TESC: variants seen among roughly 807,000 people sequenced by gnomAD.
The protein encoded by TESC is calcineurin B homologous protein 3.
A neutral mutation model predicts 31.0 loss-of-function variants in TESC; 19 were observed. The ratio of observed to expected loss-of-function variants is 0.61; its 90% confidence interval spans 0.43 to 0.90. The LOEUF (loss-of-function observed/expected upper bound fraction) is 0.90. Among genes scored for constraint, TESC ranks in the 40% least tolerant of loss-of-function variants. TESC has a pLI of 0.00. For missense variants in TESC, 248 were observed against 303.8 expected (o/e 0.82, Z 1.36); for synonymous variants, 109 against 114.8 (o/e 0.95, Z 0.32).
chr12:117,068,520 C>T (rs1418958159), intron 2 of TESC, among the ~76,000 whole-genome samples: 3 of 152,058 alleles, frequency 2.0e-5, no homozygotes, highest in African/African-American at 7.2e-5. Flanking sequence ...CAGAGCGAGA[C>T]TCTGTCTCAA....
chr12:117,046,512 A>G (rs996410998), intron 6 of TESC, 47 bp downstream of exon 6: 6 of 1,508,698 alleles, frequency 4.0e-6, no homozygotes, highest in Non-Finnish European at 5.3e-6. Flanking sequence ...GCAGACCATA[A>G]GCGGGAAAGG....
At chr12:117,082,549 G>A (rs1355869203) in intron 1 of TESC, among the ~76,000 whole-genome samples, 1 of 151,510 alleles carries the variant, frequency 6.6e-6, no homozygotes, top group Non-Finnish European at 1.5e-5. Flanking sequence ...CACAGAAAAT[G>A]AGACAGATGA....
chr12:117,093,040 G>T (rs756598446), intron 1 of TESC, among the ~76,000 whole-genome samples: 14 of 152,180 alleles, frequency 9.2e-5, no homozygotes, highest in Non-Finnish European at 1.9e-4. Context: ...GGGACTGGCT[G>T]GTTGGCTGTT....
At chr12:117,067,401 C>T (rs908731340) in intron 2 of TESC, among the ~76,000 whole-genome samples, 6 of 151,942 alleles carry the variant, frequency 3.9e-5, no homozygotes, top group Non-Finnish European at 5.9e-5. Context: ...CGCATCTCTA[C>T]AAAAAAATTT....
At chr12:117,042,804 C>T (rs373597177) in intron 6 of TESC, among the ~76,000 whole-genome samples, 1 of 152,290 alleles carries the variant, frequency 6.6e-6, no homozygotes, top group Admixed American at 6.5e-5. Flanking sequence ...CAATAGAAGG[C>T]GAGGGACATA....
At chr12:117,075,986 T>TA (rs57433077) in intron 1 of TESC, among the ~76,000 whole-genome samples, 2,023 of 86,328 alleles carry the variant, frequency 0.023, 53 homozygotes, top group South Asian at 0.04. Flanking sequence ...TATATATATA[T>TA]TTTTTTTTTT....
At chr12:117,071,200 C>T (rs906912906) in intron 2 of TESC, among the ~76,000 whole-genome samples, 1 of 152,218 alleles carries the variant, frequency 6.6e-6, no homozygotes, top group Non-Finnish European at 1.5e-5. Context: ...ACATTCACTC[C>T]TCATTCCTTT....
In TESC at chr12:117,066,777, G is replaced by A. The variant is rs552140893; in HGVS notation, c.128+8494C>T. On this transcript the variant is annotated intron_variant, in intron 2 of 7. Coordinates refer to ENST00000335209, the MANE Select transcript of TESC (RefSeq NM_017899.4). ...AACAGAAGTGCCCCAGCAGGGGAAG[G>A]GGAGCCTCCCCTTCTCAACCCTGTA... 3.3e-5 allele frequency among the ~76,000 whole-genome samples: 5 copies of A among 152,148 alleles called. No homozygotes were observed. The South Asian group carries it at 6.2e-4, about 19-fold the overall frequency.
intron 2 of TESC, among the ~76,000 whole-genome samples, chr12:117,057,942 G>A (rs897369888): frequency 1.3e-5 from 2 of 152,092 alleles, no homozygotes; most frequent in Non-Finnish European, 2.9e-5. Context: ...AAGTGAGCCC[G>A]GGCGCCGTAG....
intron 2 of TESC, among the ~76,000 whole-genome samples, chr12:117,066,879 A>C (rs1045288565): frequency 3.9e-5 from 6 of 152,154 alleles, no homozygotes; most frequent in Non-Finnish European, 5.9e-5. Flanking sequence ...TGTCAGTATC[A>C]ACCATCCTGG....
chr12:117,056,563 G>A (rs932373062), intron 3 of TESC, among the ~76,000 whole-genome samples: 2 of 152,086 alleles, frequency 1.3e-5, no homozygotes, highest in African/African-American at 4.8e-5. Flanking sequence ...TAAGTTTTGG[G>A]GTAATTTGTT....
intron 1 of TESC, among the ~76,000 whole-genome samples, chr12:117,094,469 T>C (rs7313320): frequency 2.0e-5 from 3 of 152,076 alleles, no homozygotes; most frequent in African/African-American, 7.3e-5. Context: ...CCTCTTATGC[T>C]CTCACTGAAC....
At chr12:117,055,151 T>C (rs953771140) in intron 3 of TESC, among the ~76,000 whole-genome samples, 5 of 152,124 alleles carry the variant, frequency 3.3e-5, no homozygotes, top group African/African-American at 1.2e-4. Flanking sequence ...CTCCACTTTA[T>C]TTTATTTTGA....
At position 117,075,913 on chromosome 12, in the gene TESC, A is replaced by ATATATATATATATATATATATGTG; in HGVS notation, c.59-574_59-573insCACATATATATATATATATATATA. On this transcript the variant is annotated intron_variant, in intron 1 of 7. Coordinates refer to ENST00000335209, the MANE Select transcript of TESC (RefSeq NM_017899.4). ...TATATATATATATATATATATATAT[A>ATATATATATATATATATATATGTG]TGTGTGTGTGTATATATATATATAT... Among the ~76,000 whole-genome samples, 4 of 51,952 alleles carry ATATATATATATATATATATATGTG rather than the reference A, an allele frequency of 7.7e-5. No individual in the cohort carries two copies. In the East Asian group the frequency reaches 1.9e-3, roughly 24 times the overall value. The allele number at this position is 51,952 out of a possible 152,430, so 34.1% of individuals were successfully genotyped here.
intron 6 of TESC, among the ~76,000 whole-genome samples, chr12:117,044,205 A>C (rs551166165): frequency 6.6e-6 from 1 of 152,112 alleles, no homozygotes; most frequent in African/African-American, 2.4e-5. Flanking sequence ...TGGAAGCCGT[A>C]GTGAGCTATG....
At chr12:117,062,674 A>T (rs750347973) in intron 2 of TESC, among the ~76,000 whole-genome samples, 6 of 152,130 alleles carry the variant, frequency 3.9e-5, no homozygotes, top group Non-Finnish European at 7.3e-5. Flanking sequence ...CCTTTTCAAC[A>T]AGGAGAGCAC....
chr12:117,077,164 T>C (rs1232636212), intron 1 of TESC, among the ~76,000 whole-genome samples: 1 of 152,180 alleles, frequency 6.6e-6, no homozygotes, highest in Non-Finnish European at 1.5e-5. Context: ...CTCCAGCAGC[T>C]CGTTAAGGCT....
intron 1 of TESC, among the ~76,000 whole-genome samples, chr12:117,097,434 T>G (rs1295308353): frequency 6.6e-6 from 1 of 152,104 alleles, no homozygotes; most frequent in Non-Finnish European, 1.5e-5. Flanking sequence ...CAGGTGGAAT[T>G]CCCGAGTGCC....
At chr12:117,045,055 C>G (rs1201997435) in intron 6 of TESC, among the ~76,000 whole-genome samples, 1 of 152,252 alleles carries the variant, frequency 6.6e-6, no homozygotes, top group Non-Finnish European at 1.5e-5. Flanking sequence ...TGAACCGACG[C>G]AGCTGCCCCT....
Sources: gnomAD v4.1 joint callset for allele counts (sites outside exome capture counted in the v4.1 genomes callset) on GRCh38, gnomAD v4.1.1 for gene constraint, MANE v1.5 for transcripts, NCBI Gene and HGNC (gene_info 2026-07-23, HGNC 2026-07-21) for gene names.